Variants in FCF1 observed in about 807,000 individuals in gnomAD.
FCF1 encodes the protein FCF1 rRNA-processing protein.
In FCF1, 17 loss-of-function variants were observed where a neutral mutation model predicts 32.5. The ratio of observed to expected loss-of-function variants is 0.52; its 90% confidence interval spans 0.36 to 0.78. FCF1 has a LOEUF of 0.78. Among genes scored for constraint, FCF1 ranks in the 30% least tolerant of loss-of-function variants. The pLI, the probability that FCF1 is intolerant of heterozygous loss-of-function variation, is 0.00. For synonymous variants in FCF1, 84 were observed against 78.4 expected, an observed-to-expected ratio of 1.07 and a Z score of -0.38; for missense variants, 201 against 241.1, an observed-to-expected ratio of 0.83 and a Z score of 1.10.
At chr14:74,718,991 G>A (rs571506376) in intron 4 of FCF1, among the ~76,000 whole-genome samples, 3 of 151,816 alleles carry the variant, frequency 2.0e-5, no homozygotes, top group South Asian at 2.1e-4. Flanking sequence ...TTAGCCAGGC[G>A]CAGCACCATG....
intron 5 of FCF1, among the ~76,000 whole-genome samples, chr14:74,730,845 C>T (rs1026479058): frequency 6.6e-6 from 1 of 151,900 alleles, no homozygotes; most frequent in Non-Finnish European, 1.5e-5. Context: ...CCTAAAAATA[C>T]AAAATTAGCT....
Position 74,713,335 on chromosome 14 carries a change from C to A in FCF1, c.3+135C>A, listed in dbSNP as rs1475242222. The A allele has an allele frequency of 9.4e-6, 15 of 1,588,442 alleles. No individual in the cohort carries two copies. The East Asian group carries it at 2.7e-4, about 29-fold the overall frequency. ...TTCTGGTCTTAGCTCTTAAACTTCT[C>A]CAAGCGGTGACTGTTATGCTTTACA... is the stretch of plus-strand genomic sequence containing the variant. On this transcript the variant is annotated intron_variant, in intron 1 of 7. Coordinates refer to ENST00000341162, the MANE Select transcript of FCF1 (RefSeq NM_015962.5).
At chr14:74,733,316 A>G (rs1432148420) in intron 6 of FCF1, among the ~76,000 whole-genome samples, 1 of 148,974 alleles carries the variant, frequency 6.7e-6, no homozygotes. Flanking sequence ...CACCACAAGG[A>G]CTTCTGCTAC....
chr14:74,733,019 C>T (rs2090658603), intron 6 of FCF1, among the ~76,000 whole-genome samples: 1 of 152,092 alleles, frequency 6.6e-6, no homozygotes, highest in Non-Finnish European at 1.5e-5. Context: ...ACACTCTAAC[C>T]ATAATGGAAA....
At chr14:74,723,164 G>A (rs2090529128) in intron 4 of FCF1, 108 bp from the exon 5 acceptor site, 1 of 760,728 alleles carries the variant, frequency 1.3e-6, no homozygotes, top group Non-Finnish European at 2.3e-6. Context: ...TAATTCTGCT[G>A]TCATTGCAAA....
chr14:74,721,188 G>A (rs2090497543), intron 4 of FCF1, among the ~76,000 whole-genome samples: 1 of 152,004 alleles, frequency 6.6e-6, no homozygotes, highest in South Asian at 2.1e-4. Context: ...GGGACTACAG[G>A]CATGTGCCAC....
rs878876008 is a variant in FCF1 at position 74,736,409 on chromosome 14, CAAAAA to C, written c.*1490_*1494del. 4 of 109,492 alleles carry C rather than the reference CAAAAA, an allele frequency of 3.7e-5. No homozygotes were observed. Among genetic ancestry groups the C allele is most frequent in the Non-Finnish European group, 7.8e-5 (4 of 51,306 alleles). The allele number at this position is 109,492 out of a possible 1,614,324, so 6.8% of individuals were successfully genotyped here. A position where few individuals can be genotyped will look rare whatever the true frequency, so the allele number is the denominator to read the frequency against. On this transcript the variant is annotated 3_prime_UTR_variant, in exon 8 of 8. Transcript: ENST00000341162. ...CCTGGGTGACAGAGTGAGACTGTCT[CAAAAA>C]AAAAAAAAAATTAATGATGGTCAAA...
intron 5 of FCF1, among the ~76,000 whole-genome samples, chr14:74,729,526 A>C (rs2090609019): frequency 6.6e-6 from 1 of 151,844 alleles, no homozygotes; most frequent in South Asian, 2.1e-4. Flanking sequence ...GCGGTTTATC[A>C]GTTTTGTTGA....
chr14:74,717,517 T>G (rs1176052123), intron 4 of FCF1, among the ~76,000 whole-genome samples: 1 of 152,206 alleles, frequency 6.6e-6, no homozygotes, highest in East Asian at 1.9e-4. Context: ...TTTTTTCATA[T>G]AGGCCTTTCT....
intron 5 of FCF1, among the ~76,000 whole-genome samples, chr14:74,731,566 T>G (rs2090638097): frequency 6.6e-6 from 1 of 152,176 alleles, no homozygotes. Flanking sequence ...CATTGGAGAC[T>G]CTTTCTAGCC....
intron 5 of FCF1, among the ~76,000 whole-genome samples, chr14:74,725,480 C>CAAAA (rs35508938): frequency 7.5e-5 from 3 of 39,996 alleles, no homozygotes; most frequent in African/African-American, 2.2e-4. Flanking sequence ...ACCCTGTCTC[C>CAAAA]AAAAAAAAAA....
At chr14:74,730,206 C>CTTTTT (rs869067896) in intron 5 of FCF1, among the ~76,000 whole-genome samples, 1 of 109,390 alleles carries the variant, frequency 9.1e-6, no homozygotes, top group Non-Finnish European at 1.9e-5. Flanking sequence ...TGTGTATATG[C>CTTTTT]TTTTTTTTTT....
At chr14:74,713,593 G>C (rs1465377056) in intron 2 of FCF1, 41 bp downstream of exon 2, 3 of 1,512,296 alleles carry the variant, frequency 2.0e-6, no homozygotes, top group Non-Finnish European at 2.7e-6. Flanking sequence ...ATTCTAATAA[G>C]AGTCTAGAGA....
At chr14:74,720,913 C>G (rs1451610401) in intron 4 of FCF1, among the ~76,000 whole-genome samples, 1 of 147,038 alleles carries the variant, frequency 6.8e-6, no homozygotes, top group South Asian at 2.1e-4. Context: ...GGCTGTCACT[C>G]TGTCACCCAG....
intron 5 of FCF1, among the ~76,000 whole-genome samples, chr14:74,724,794 A>G (rs1446244403): frequency 6.6e-6 from 1 of 152,014 alleles, no homozygotes; most frequent in Admixed American, 6.6e-5. Context: ...AGTCTCAGCT[A>G]TTCGGGAGGC....
intron 5 of FCF1, among the ~76,000 whole-genome samples, chr14:74,726,317 T>C (rs1163828402): frequency 6.6e-6 from 1 of 151,518 alleles, no homozygotes; most frequent in Non-Finnish European, 1.5e-5. Flanking sequence ...TGAGACCCAA[T>C]GTCTATGAAA....
chr14:74,720,947 C>T (rs2090493574), intron 4 of FCF1, among the ~76,000 whole-genome samples: 2 of 149,118 alleles, frequency 1.3e-5, no homozygotes, highest in African/African-American at 5.0e-5. Context: ...GGTGTAATCT[C>T]AGCTCACTAC....
chr14:74,726,618 T>TA (rs2090580880), intron 5 of FCF1, among the ~76,000 whole-genome samples: 1 of 147,504 alleles, frequency 6.8e-6, no homozygotes, highest in African/African-American at 2.5e-5. Flanking sequence ...TTTTTTTTTT[T>TA]ATTATACTTT....
At chr14:74,719,078 C>T (rs1315271778) in intron 4 of FCF1, among the ~76,000 whole-genome samples, 5 of 142,110 alleles carry the variant, frequency 3.5e-5, no homozygotes, top group Non-Finnish European at 6.0e-5. Flanking sequence ...TACAGTGAGC[C>T]GAGATCGTGC....
Sources: allele counts gnomAD v4.1 joint callset (sites outside exome capture counted in the v4.1 genomes callset), GRCh38; gene constraint gnomAD v4.1.1; transcripts MANE v1.5; gene names NCBI Gene and HGNC (gene_info 2026-07-23, HGNC 2026-07-21).